EYA1: variants seen among roughly 807,000 people sequenced by gnomAD.
The protein encoded by EYA1 is EYA transcriptional coactivator and phosphatase 1.
In EYA1, 16 loss-of-function variants were observed where a neutral mutation model predicts 82.0. That is an observed-to-expected ratio of 0.20 (90% confidence interval 0.13 to 0.30). The LOEUF (loss-of-function observed/expected upper bound fraction) is 0.30. EYA1 is among the 10% of genes least tolerant of loss of function. The probability of loss-of-function intolerance (pLI) is 1.00; values close to 1 mark genes in which losing one functional copy is unlikely to be tolerated. For synonymous variants in EYA1, 261 were observed against 264.4 expected, an observed-to-expected ratio of 0.99 and a Z score of 0.12; for missense variants, 633 against 730.7, an observed-to-expected ratio of 0.87 and a Z score of 1.54.
chr8:71,356,439 T>C, intron 2 of EYA1, 23 bp downstream of exon 2: 1 of 1,570,910 alleles, frequency 6.4e-7, no homozygotes, highest in Non-Finnish European at 8.6e-7. Context: ...TCCAAAAATG[T>C]CAAATATCAA....
At chr8:71,235,410 T>C (rs1811704807) in intron 12 of EYA1, among the ~76,000 whole-genome samples, 1 of 152,190 alleles carries the variant, frequency 6.6e-6, no homozygotes, top group Non-Finnish European at 1.5e-5. Context: ...ATTCCTACTA[T>C]TGTCCTCCCA....
chr8:71,357,630 C>T (rs1827014660), intron 1 of EYA1, among the ~76,000 whole-genome samples: 1 of 152,164 alleles, frequency 6.6e-6, no homozygotes, highest in Non-Finnish European at 1.5e-5. Flanking sequence ...TTACAGTTAT[C>T]CAACCAAACG....
chr8:71,378,118 A>G (rs1365422203), intron 2 of EYA1, among the ~76,000 whole-genome samples: 2 of 152,100 alleles, frequency 1.3e-5, no homozygotes, highest in Admixed American at 6.6e-5. Flanking sequence ...CATCTCTAAT[A>G]TAACAAAGCT....
At chr8:71,499,450 A>G (rs1022889855) in intron 2 of EYA1, among the ~76,000 whole-genome samples, 3 of 152,180 alleles carry the variant, frequency 2.0e-5, no homozygotes, top group Non-Finnish European at 4.4e-5. Flanking sequence ...AACTTACTAG[A>G]AAGAGTTCAG....
At chr8:71,243,083 T>C (rs2128901721) in intron 12 of EYA1, among the ~76,000 whole-genome samples, 1 of 152,274 alleles carries the variant, frequency 6.6e-6, no homozygotes, top group East Asian at 1.9e-4. Flanking sequence ...CAGCCAAGTT[T>C]TGGCATTTTT....
intron 2 of EYA1, among the ~76,000 whole-genome samples, chr8:71,367,992 A>G (rs1469108568): frequency 6.6e-6 from 1 of 152,202 alleles, no homozygotes; most frequent in Non-Finnish European, 1.5e-5. Context: ...TAGATGGTTT[A>G]ATATTTGGGG....
intron 9 of EYA1, among the ~76,000 whole-genome samples, chr8:71,288,064 A>T (rs1818581061): frequency 1.3e-5 from 2 of 152,124 alleles, no homozygotes; most frequent in South Asian, 4.1e-4. Flanking sequence ...GTTTTTCCTA[A>T]TTGTATTCAA....
At chr8:71,422,813 G>GC (rs1831216026) in intron 2 of EYA1, among the ~76,000 whole-genome samples, 2 of 152,134 alleles carry the variant, frequency 1.3e-5, no homozygotes, top group South Asian at 4.2e-4. Flanking sequence ...GAGGGTAACC[G>GC]CCCCCATGAC....
intron 2 of EYA1, among the ~76,000 whole-genome samples, chr8:71,461,205 C>G (rs527633561): frequency 1.3e-5 from 2 of 152,298 alleles, no homozygotes; most frequent in Admixed American, 1.3e-4. Context: ...CCAAATTTTG[C>G]TTAGGCTGCT....
chr8:71,352,382 T>TAAC (rs1826397282), intron 3 of EYA1, among the ~76,000 whole-genome samples: 1 of 152,222 alleles, frequency 6.6e-6, no homozygotes, highest in Non-Finnish European at 1.5e-5. Flanking sequence ...AACGGACATG[T>TAAC]AACACCGATC....
intron 7 of EYA1, among the ~76,000 whole-genome samples, chr8:71,311,536 C>T (rs1821342171): frequency 6.6e-6 from 1 of 152,226 alleles, no homozygotes; most frequent in Non-Finnish European, 1.5e-5. Context: ...TCATCTGCAT[C>T]AGCTTTGTCA....
intron 2 of EYA1, among the ~76,000 whole-genome samples, chr8:71,378,922 T>C (rs1473796718): frequency 6.6e-6 from 1 of 152,208 alleles, no homozygotes; most frequent in Non-Finnish European, 1.5e-5. Context: ...AATAACCAGA[T>C]GTAGAAGTAA....
intron 9 of EYA1, among the ~76,000 whole-genome samples, chr8:71,277,235 T>G (rs989714649): frequency 6.7e-4 from 100 of 148,646 alleles, no homozygotes; most frequent in African/African-American, 2.3e-3. Flanking sequence ...AATTCCTTGG[T>G]TCAAGGGACC....
At chr8:71,293,619 T>C (rs370205058) in intron 9 of EYA1, among the ~76,000 whole-genome samples, 5 of 149,386 alleles carry the variant, frequency 3.3e-5, no homozygotes, top group African/African-American at 4.8e-5. Flanking sequence ...ATCCAAGATA[T>C]ATAAGGCTGG....
At chr8:71,219,404 G>A (rs1241908598) in intron 12 of EYA1, among the ~76,000 whole-genome samples, 2 of 152,086 alleles carry the variant, frequency 1.3e-5, no homozygotes, top group Non-Finnish European at 2.9e-5. Context: ...TAATCTCTAA[G>A]GGGCCTCATC....
At chr8:71,490,936 T>A (rs1371082207) in intron 2 of EYA1, among the ~76,000 whole-genome samples, 1 of 152,152 alleles carries the variant, frequency 6.6e-6, no homozygotes, top group African/African-American at 2.4e-5. Flanking sequence ...TTCAATTGGA[T>A]ACACTTAATC....
intron 2 of EYA1, among the ~76,000 whole-genome samples, chr8:71,507,825 G>C (rs1018664720): frequency 1.2e-4 from 19 of 152,172 alleles, no homozygotes; most frequent in African/African-American, 4.6e-4. Context: ...ACATTCTAGG[G>C]AGTAAGAAAA....
intron 2 of EYA1, among the ~76,000 whole-genome samples, chr8:71,401,912 A>C (rs1281311843): frequency 6.6e-6 from 1 of 152,202 alleles, no homozygotes; most frequent in African/African-American, 2.4e-5. Context: ...CCAGGCTATT[A>C]AAATCTCACA....
intron 2 of EYA1, among the ~76,000 whole-genome samples, chr8:71,462,577 T>C (rs1361447207): frequency 6.6e-6 from 1 of 152,168 alleles, no homozygotes; most frequent in Admixed American, 6.5e-5. Context: ...CCAGCCCTAG[T>C]GACCCCCAGG....
Sources: allele counts gnomAD v4.1 joint callset (sites outside exome capture counted in the v4.1 genomes callset), GRCh38; gene constraint gnomAD v4.1.1; transcripts MANE v1.5; gene names NCBI Gene and HGNC (gene_info 2026-07-23, HGNC 2026-07-21).